Variants in PLEKHB2 observed in about 807,000 individuals in gnomAD.
The protein encoded by PLEKHB2 is pleckstrin homology domain-containing family B member 2.
PLEKHB2 carries 31 observed loss-of-function variants against 36.5 expected under a neutral mutation model. The observed-to-expected ratio is 0.85, with a 90% CI of 0.64 to 1.15. The LOEUF (loss-of-function observed/expected upper bound fraction) is 1.15, where lower values mean the gene tolerates loss of function less well. PLEKHB2 is among the 50% of genes most tolerant of loss of function. PLEKHB2 has a pLI of 0.00. For missense variants in PLEKHB2, 262 were observed against 295.3 expected (o/e 0.89, Z 0.83); for synonymous variants, 119 against 112.0 (o/e 1.06, Z -0.39).
chr2:131,134,413 A>C (rs111340502), intron 6 of PLEKHB2, among the ~76,000 whole-genome samples: 3,277 of 152,238 alleles, frequency 0.022, 123 homozygotes, highest in African/African-American at 0.074. Flanking sequence ...ACCTAGCCCA[A>C]GTTTCCTAAG....
At chr2:131,136,237 C>T (rs866870794) in intron 6 of PLEKHB2, among the ~76,000 whole-genome samples, 4 of 143,428 alleles carry the variant, frequency 2.8e-5, no homozygotes, top group African/African-American at 1.1e-4. Context: ...TCTCCCCTGA[C>T]CCCCTGAGAG....
At chr2:131,145,244 G>GT (rs1699167496) in intron 7 of PLEKHB2, among the ~76,000 whole-genome samples, 1 of 152,228 alleles carries the variant, frequency 6.6e-6, no homozygotes, top group Non-Finnish European at 1.5e-5. Flanking sequence ...ATGTAGTGCT[G>GT]TAAGTGGCTG....
chr2:131,140,744 C>T (rs1314369641), intron 7 of PLEKHB2, among the ~76,000 whole-genome samples: 1 of 152,206 alleles, frequency 6.6e-6, no homozygotes, highest in Non-Finnish European at 1.5e-5. Flanking sequence ...ACATGAAACA[C>T]TTGGCAGGCA....
intron 1 of PLEKHB2, among the ~76,000 whole-genome samples, chr2:131,115,447 G>A (rs1365833390): frequency 3.6e-5 from 5 of 137,420 alleles, no homozygotes; most frequent in East Asian, 2.4e-4. Context: ...TCCGCCTCCC[G>A]GGATCAAGTG....
chr2:131,144,415 C>A lies in PLEKHB2; in HGVS notation c.533-2222C>A, dbSNP rs13033992. 4,346 of 1,228,290 alleles carry A rather than the reference C, an allele frequency of 3.5e-3. 12 individuals carry two copies. The highest frequency in any genetic ancestry group is 0.022 in the Middle Eastern group (69 of 3,198). The allele number at this position is 1,228,290 out of a possible 1,614,324, so 76.1% of individuals were successfully genotyped here. A position where few individuals can be genotyped will look rare whatever the true frequency, so the allele number is the denominator to read the frequency against. On this transcript the variant is annotated intron_variant, in intron 7 of 7. Transcript: ENST00000693505. ...TCTATTTCTGTCTTGTAGAGACCAT[C>A]CTCATGACACGTCATTGCACTGCAG... is the stretch of plus-strand genomic sequence containing the variant.
chr2:131,111,038 T>G (rs760262340), intron 1 of PLEKHB2, among the ~76,000 whole-genome samples: 2 of 152,170 alleles, frequency 1.3e-5, no homozygotes, highest in Non-Finnish European at 2.9e-5. Context: ...GGAGTCTCGC[T>G]GTGATGCCCA....
intron 2 of PLEKHB2, among the ~76,000 whole-genome samples, chr2:131,123,883 C>G (rs1014604327): frequency 2.1e-5 from 3 of 145,364 alleles, no homozygotes; most frequent in Non-Finnish European, 3.0e-5. Context: ...GGGTCTTGCT[C>G]TGTTGCCTAG....
intron 1 of PLEKHB2, chr2:131,120,620 T>A (rs1696406356): frequency 2.4e-6 from 1 of 410,448 alleles, no homozygotes; most frequent in South Asian, 2.5e-5. Context: ...GCCACGAGAA[T>A]CCCCCATGTC....
chr2:131,126,356 A>T (rs1422809419), intron 3 of PLEKHB2, among the ~76,000 whole-genome samples: 14 of 151,956 alleles, frequency 9.2e-5, no homozygotes, highest in Admixed American at 9.2e-4. Flanking sequence ...TGAAACCCCA[A>T]CTCTACTAAA....
intron 1 of PLEKHB2, among the ~76,000 whole-genome samples, chr2:131,115,731 C>CAT (rs1695810513): frequency 6.6e-6 from 1 of 152,058 alleles, no homozygotes; most frequent in Non-Finnish European, 1.5e-5. Context: ...TACCTTTCAG[C>CAT]CTTAGTTGGT....
chr2:131,126,061 T>A lies in PLEKHB2; in HGVS notation c.190+156T>A, dbSNP rs147369559. Among the ~76,000 whole-genome samples, 279 of 152,224 alleles carry A rather than the reference T, an allele frequency of 1.8e-3. 2 individuals carry two copies. Among genetic ancestry groups the A allele is most frequent in the African/African-American group, 6.4e-3 (265 of 41,530 alleles). ...CACAGTGGGGCCCCAGGCACTTAGA[T>A]TATGAACCACATGGTCGGGAAATAT... On this transcript the variant is annotated intron_variant, in intron 3 of 7. Transcript: ENST00000693505.
chr2:131,139,106 GC>G (rs1698537173), intron 6 of PLEKHB2, among the ~76,000 whole-genome samples: 1 of 152,160 alleles, frequency 6.6e-6, no homozygotes, highest in South Asian at 2.1e-4. Flanking sequence ...TTGCTAGGTT[GC>G]CCCTTTCCTT....
chr2:131,132,582 G>A (rs1697820502), intron 5 of PLEKHB2, among the ~76,000 whole-genome samples: 1 of 152,170 alleles, frequency 6.6e-6, no homozygotes, highest in Admixed American at 6.5e-5. Flanking sequence ...TTATAGGTGT[G>A]AGCCATTGCA....
chr2:131,117,299 C>T (rs371429144), intron 1 of PLEKHB2, among the ~76,000 whole-genome samples: 18 of 152,132 alleles, frequency 1.2e-4, no homozygotes, highest in African/African-American at 3.6e-4. Flanking sequence ...TGATGGCACA[C>T]GCCCGTAATT....
chr2:131,124,455 T>C (rs997249801), intron 2 of PLEKHB2, among the ~76,000 whole-genome samples: 1 of 152,228 alleles, frequency 6.6e-6, no homozygotes, highest in African/African-American at 2.4e-5. Context: ...GGCCTTTAAG[T>C]CCACTGCAGG....
At chr2:131,105,432 C>T (rs993404378) in intron 1 of PLEKHB2, 34 bp downstream of exon 1, 7 of 152,964 alleles carry the variant, frequency 4.6e-5, no homozygotes, top group Non-Finnish European at 8.8e-5. Context: ...ACGACCCTAG[C>T]TCCTTTCCCC....
chr2:131,126,925 T>TG (rs1697160154), intron 4 of PLEKHB2, 139 bp downstream of exon 4: 1 of 605,898 alleles, frequency 1.7e-6, no homozygotes, highest in Admixed American at 2.9e-5. Flanking sequence ...ATGAGAGAAA[T>TG]GCAAGAGTCG....
At chr2:131,115,149 G>A (rs552553915) in intron 1 of PLEKHB2, among the ~76,000 whole-genome samples, 1 of 152,218 alleles carries the variant, frequency 6.6e-6, no homozygotes, top group South Asian at 2.1e-4. Flanking sequence ...AAGAGAACTT[G>A]TGCGGGGAAC....
chr2:131,146,534 A>G (rs1699300344), intron 7 of PLEKHB2, 103 bp from the exon 8 acceptor site: 1 of 1,224,212 alleles, frequency 8.2e-7, no homozygotes, highest in African/African-American at 1.5e-5. Context: ...CCAGTGTGAC[A>G]GGAGACAGCA....
Sources: gnomAD v4.1 joint callset for allele counts (sites outside exome capture counted in the v4.1 genomes callset) on GRCh38, gnomAD v4.1.1 for gene constraint, MANE v1.5 for transcripts, NCBI Gene and HGNC (gene_info 2026-07-23, HGNC 2026-07-21) for gene names.